CNOT10: variants seen among roughly 807,000 people sequenced by gnomAD.
CNOT10 encodes CCR4-NOT transcription complex, subunit 10.
A neutral mutation model predicts 94.6 loss-of-function variants in CNOT10; 30 were observed. That is an observed-to-expected ratio of 0.32 (90% CI 0.24 to 0.43). The LOEUF is 0.43. Ranked by LOEUF, CNOT10 falls within the 20% of genes least tolerant of loss-of-function variation. CNOT10 has a pLI of 1.00. For missense variants in CNOT10, 759 were observed against 877.2 expected, an observed-to-expected ratio of 0.87 and a Z score of 1.70; for synonymous variants, 289 against 301.6, an observed-to-expected ratio of 0.96 and a Z score of 0.43.
intron 13 of CNOT10, among the ~76,000 whole-genome samples, chr3:32,739,879 C>T (rs1030916106): frequency 2.6e-5 from 4 of 151,904 alleles, no homozygotes; most frequent in Non-Finnish European, 5.9e-5. Context: ...AAGCCAAGAC[C>T]GCGCCGTTGC....
intron 13 of CNOT10, chr3:32,753,931 C>A: frequency 9.4e-7 from 1 of 1,066,194 alleles, no homozygotes; most frequent in Non-Finnish European, 1.4e-6. Context: ...CACACACACA[C>A]ACACAAAATA....
chr3:32,731,360 A>G (rs1698944909), intron 10 of CNOT10, among the ~76,000 whole-genome samples: 1 of 152,178 alleles, frequency 6.6e-6, no homozygotes, highest in Non-Finnish European at 1.5e-5. Flanking sequence ...CAGGGCAGAG[A>G]TTAGTTTTGC....
intron 8 of CNOT10, among the ~76,000 whole-genome samples, chr3:32,723,220 C>T (rs62250844): frequency 0.2 from 30,246 of 151,582 alleles, 3,830 homozygotes; most frequent in African/African-American, 0.35. Flanking sequence ...GGTGAAACCC[C>T]GTCTCTACTA....
intron 1 of CNOT10, among the ~76,000 whole-genome samples, chr3:32,691,160 T>TA (rs1491323256): frequency 3.8e-4 from 14 of 36,918 alleles, no homozygotes; most frequent in East Asian, 1.9e-3. Flanking sequence ...CACAGCCAGC[T>TA]TTTTTTTTTT....
chr3:32,763,157 G>C (rs73042204), intron 15 of CNOT10, among the ~76,000 whole-genome samples: 15,865 of 152,098 alleles, frequency 0.1, 1,088 homozygotes, highest in Middle Eastern at 0.16. Flanking sequence ...ATCCATAGGG[G>C]AGTAAAAATA....
intron 1 of CNOT10, among the ~76,000 whole-genome samples, chr3:32,692,510 A>G (rs1195139091): frequency 6.6e-6 from 1 of 152,206 alleles, no homozygotes; most frequent in African/African-American, 2.4e-5. Context: ...TTTTCTGTAT[A>G]AAGTACATAA....
At chr3:32,687,453 T>TTCTTTTTTTTG (rs1696663960) in intron 1 of CNOT10, among the ~76,000 whole-genome samples, 1 of 57,236 alleles carries the variant, frequency 1.7e-5, no homozygotes, top group Non-Finnish European at 3.2e-5. Flanking sequence ...TTTTTTTTTG[T>TTCTTTTTTTTG]TTTTTTTTTT....
At chr3:32,693,931 GTTATT>G (rs1696950894) in intron 1 of CNOT10, among the ~76,000 whole-genome samples, 1 of 152,086 alleles carries the variant, frequency 6.6e-6, no homozygotes, top group African/African-American at 2.4e-5. Flanking sequence ...CCTTATTGCA[GTTATT>G]TTATTTTGTG....
At chr3:32,721,721 A>G (rs978282752) in intron 8 of CNOT10, among the ~76,000 whole-genome samples, 25 of 145,164 alleles carry the variant, frequency 1.7e-4, no homozygotes, top group Admixed American at 3.6e-4. Flanking sequence ...ATCTCGGCTC[A>G]CTGCAAGCTC....
intron 13 of CNOT10, among the ~76,000 whole-genome samples, chr3:32,751,678 A>G (rs1441754139): frequency 1.3e-5 from 2 of 152,208 alleles, no homozygotes; most frequent in Non-Finnish European, 2.9e-5. Context: ...TAGTGTGCTT[A>G]AGAAACCATA....
chr3:32,732,091 A>G lies in CNOT10; in HGVS notation c.1216-1332A>G, dbSNP rs1246751407. 2.6e-5 allele frequency among the ~76,000 whole-genome samples: 4 copies of G among 151,314 alleles called. No individual in the cohort carries two copies. In the East Asian group the frequency reaches 7.9e-4, roughly 30 times the overall value. ...GATACTCCATCTCAAAAAAATAAAT[A>G]AATAAAAGATTTTTTCTGGCTGGGC... On this transcript the variant is annotated intron_variant, in intron 10 of 18. Coordinates refer to ENST00000328834, the MANE Select transcript of CNOT10 (RefSeq NM_015442.3).
intron 1 of CNOT10, among the ~76,000 whole-genome samples, chr3:32,701,406 T>C (rs1697339444): frequency 6.6e-6 from 1 of 152,178 alleles, no homozygotes; most frequent in Non-Finnish European, 1.5e-5. Flanking sequence ...TTAGACTCTT[T>C]TGAAAAAATA....
In CNOT10 at chr3:32,759,899, G is replaced by C. The variant is rs78120374; in HGVS notation, c.1709+328G>C. Among the ~76,000 whole-genome samples, 125 of 152,150 alleles carry C rather than the reference G, an allele frequency of 8.2e-4. 2 individuals carry two copies. The East Asian group carries it at 0.023, about 28-fold the overall frequency. On this transcript the variant is annotated intron_variant, in intron 14 of 18. Coordinates refer to ENST00000328834, the MANE Select transcript of CNOT10 (RefSeq NM_015442.3). ...GGTCAATGTGATAAATCTACTTTGAGGGACCAGGCACGGTGGCTCACGCCT... is the reference window on the plus strand; with the variant it reads ...GGTCAATGTGATAAATCTACTTTGACGGACCAGGCACGGTGGCTCACGCCT...
chr3:32,740,861 T>TAAAA (rs35227726), intron 13 of CNOT10, among the ~76,000 whole-genome samples: 21 of 137,244 alleles, frequency 1.5e-4, no homozygotes, highest in African/African-American at 5.8e-4. Context: ...GACTCCGTCT[T>TAAAA]AAAAAAAAAA....
intron 17 of CNOT10, 77 bp downstream of exon 17, chr3:32,764,886 G>C: frequency 6.4e-7 from 1 of 1,574,174 alleles, no homozygotes; most frequent in Non-Finnish European, 8.6e-7. Context: ...TTGTTACTTT[G>C]TTTGAAGCAT....
intron 10 of CNOT10, among the ~76,000 whole-genome samples, chr3:32,732,157 G>A (rs566864972): frequency 7.2e-5 from 11 of 151,770 alleles, no homozygotes; most frequent in Middle Eastern, 3.4e-3. Flanking sequence ...TTGGGAGGCC[G>A]AGGCGGGCGG....
intron 1 of CNOT10, among the ~76,000 whole-genome samples, chr3:32,687,454 T>TTTTTTTTTTTTG (rs1696665874): frequency 8.7e-5 from 4 of 45,946 alleles, no homozygotes; most frequent in Middle Eastern, 9.1e-3. Context: ...TTTTTTTTGT[T>TTTTTTTTTTTTG]TTTTTTTTTT....
chr3:32,767,978 G>T (rs1700723918), intron 17 of CNOT10, among the ~76,000 whole-genome samples: 1 of 152,086 alleles, frequency 6.6e-6, no homozygotes, highest in South Asian at 2.1e-4. Context: ...GTCTGAAGGG[G>T]GTTTTGTTTT....
At chr3:32,752,238 G>A (rs1575290272) in intron 13 of CNOT10, among the ~76,000 whole-genome samples, 1 of 151,672 alleles carries the variant, frequency 6.6e-6, no homozygotes, top group Middle Eastern at 3.4e-3. Flanking sequence ...GTGGTGAGCC[G>A]AGATCACGCC....
Sources: gnomAD v4.1 joint callset for allele counts (sites outside exome capture counted in the v4.1 genomes callset) on GRCh38, gnomAD v4.1.1 for gene constraint, MANE v1.5 for transcripts, NCBI Gene and HGNC (gene_info 2026-07-23, HGNC 2026-07-21) for gene names.